The following MASP1 variants were observed in gnomAD, a reference collection of about 807,000 sequenced individuals.
MASP1 encodes the protein MBL associated serine protease 1, also known as mannan-binding lectin serine protease 1.
In MASP1, 59 loss-of-function variants were observed where a neutral mutation model predicts 77.1. That is an observed-to-expected ratio of 0.77 (90% CI 0.62 to 0.95). The LOEUF is 0.95. Ranked by LOEUF, MASP1 falls within the 40% of genes least tolerant of loss-of-function variation. The pLI, the probability that MASP1 is intolerant of heterozygous loss-of-function variation, is 0.00. For missense variants in MASP1, 885 were observed against 912.9 expected (o/e 0.97, Z 0.39); for synonymous variants, 362 against 354.5 (o/e 1.02, Z -0.24).
At chr3:187,236,904 G>T (rs778806560) in intron 10 of MASP1, among the ~76,000 whole-genome samples, 2 of 152,142 alleles carry the variant, frequency 1.3e-5, no homozygotes, top group Admixed American at 6.5e-5. Flanking sequence ...TCCAGTAGTG[G>T]TCACTTCTCC....
At chr3:187,284,374 A>C (rs531350048) in intron 2 of MASP1, among the ~76,000 whole-genome samples, 2 of 152,180 alleles carry the variant, frequency 1.3e-5, no homozygotes, top group African/African-American at 4.8e-5. Flanking sequence ...TGCTACTGGC[A>C]CCTAGTTAGG....
intron 2 of MASP1, 144 bp from the exon 3 acceptor site, chr3:187,262,864 T>C (rs1440987553): frequency 7.2e-6 from 5 of 699,186 alleles, no homozygotes. Context: ...TAAGGATTCT[T>C]GAGAAAAGAC....
intron 2 of MASP1, among the ~76,000 whole-genome samples, chr3:187,279,688 C>A (rs1407857264): frequency 6.6e-6 from 1 of 152,190 alleles, no homozygotes; most frequent in East Asian, 1.9e-4. Context: ...TCATTCCCAT[C>A]CTCTTCAACC....
At chr3:187,282,047 C>T (rs909514098) in intron 2 of MASP1, among the ~76,000 whole-genome samples, 1 of 152,190 alleles carries the variant, frequency 6.6e-6, no homozygotes. Context: ...CTCTGACCTC[C>T]TCTTCTGTCC....
At chr3:187,236,656 C>T in intron 10 of MASP1, 89 bp from the exon 11 acceptor site, 9 of 1,610,188 alleles carry the variant, frequency 5.6e-6, no homozygotes, top group South Asian at 1.1e-5. Context: ...ATTCACATTT[C>T]ACCCACTATA....
At chr3:187,246,429 T>C in intron 8 of MASP1, 1 of 985,444 alleles carries the variant, frequency 1.0e-6, no homozygotes, top group Non-Finnish European at 1.2e-6. Flanking sequence ...TTGGGTGGTG[T>C]CTCTAGCCGA....
intron 4 of MASP1, among the ~76,000 whole-genome samples, chr3:187,257,449 C>T (rs1247272363): frequency 1.3e-5 from 2 of 152,136 alleles, no homozygotes; most frequent in Non-Finnish European, 2.9e-5. Flanking sequence ...CAGCCCACTG[C>T]AACCTTCGCC....
At position 187,260,799 on chromosome 3, in the gene MASP1, G is replaced by T; in HGVS notation, c.489C>A (p.Gly163=). The T allele has an allele frequency of 1.2e-6, 2 of 1,614,126 alleles. No individual in the cohort carries two copies. Among genetic ancestry groups the T allele is most frequent in the Non-Finnish European group, 8.5e-7 (1 of 1,180,022 alleles). Residue 163 remains glycine, a synonymous_variant, in exon 4 of 11, where the codon GGC becomes GGA. Coordinates refer to ENST00000296280, the MANE Select transcript of MASP1 (RefSeq NM_139125.4). ...AGCCGAAGCGGCAGGAGCAGTAGTA[G>T]CCGCCAATGTAGTTGTGGCAGTAGT... ...CDHYCHNYIG[G]YYCSCRFGYI...
chr3:187,256,291 T>A (rs1249076415), intron 5 of MASP1, among the ~76,000 whole-genome samples: 1 of 152,174 alleles, frequency 6.6e-6, no homozygotes, highest in Non-Finnish European at 1.5e-5. Context: ...GTTAAAAAAA[T>A]AAACAGAAGA....
chr3:187,264,663 C>T (rs941986690), intron 2 of MASP1, among the ~76,000 whole-genome samples: 3 of 152,058 alleles, frequency 2.0e-5, no homozygotes, highest in Non-Finnish European at 2.9e-5. Context: ...GACTATAAAG[C>T]CTTGAACTTC....
intron 2 of MASP1, among the ~76,000 whole-genome samples, chr3:187,279,697 C>T (rs1717256273): frequency 1.3e-5 from 2 of 152,318 alleles, no homozygotes; most frequent in South Asian, 4.1e-4. Flanking sequence ...TCCTCTTCAA[C>T]CTCCCTGCTT....
chr3:187,243,200 C>G (rs767029077), intron 9 of MASP1: 45 of 424,244 alleles, frequency 1.1e-4, no homozygotes, highest in Non-Finnish European at 1.7e-4. Context: ...GACTCCTTCA[C>G]GCTCCCACCA....
intron 9 of MASP1, 150 bp downstream of exon 9, chr3:187,243,333 AC>A (rs1180715807): frequency 1.3e-6 from 1 of 792,456 alleles, no homozygotes; most frequent in East Asian, 2.5e-5. Context: ...AAAAGTGAGA[AC>A]CTGAGATGTG....
rs200896822 is a variant in MASP1 at position 187,271,083 on chromosome 3, G to A, written c.238-8363C>T. Among the ~76,000 whole-genome samples, 6 of 152,352 alleles carry A rather than the reference G, an allele frequency of 3.9e-5. No individual in the cohort carries two copies. In the East Asian group the frequency reaches 7.7e-4, roughly 20 times the overall value. On this transcript the variant is annotated intron_variant, in intron 2 of 10. Transcript: ENST00000296280. ...GATTTGGGACAAAGAATAGGCTCACGTTTGTAAATTGAAATTTGGAGAACC... is the reference window on the plus strand; with the variant it reads ...GATTTGGGACAAAGAATAGGCTCACATTTGTAAATTGAAATTTGGAGAACC...
rs767576148 is a variant in MASP1, at chr3:187,250,254, T to C, written c.1087A>G (p.Lys363Glu). ...GTWSNKIPTC[K>E]IVDCRAPGEL... ...ACAACCCATTAGGCTTTCTTACTTTTACAGGTGGGAATCTTGTTACTCCAC... is the reference window on the plus strand; with the variant it reads ...ACAACCCATTAGGCTTTCTTACTTTCACAGGTGGGAATCTTGTTACTCCAC... The change falls in exon 8 of 11, where the codon AAA becomes GAA. Residue 363 changes from lysine (K) to glutamate (E), a missense_variant. Physicochemically the swap from Lys to Glu is moderately conservative, Grantham distance 56. Coordinates refer to ENST00000296280, the MANE Select transcript of MASP1 (RefSeq NM_139125.4). 5 of 1,613,432 alleles carry C rather than the reference T, an allele frequency of 3.1e-6. No individual in the cohort carries two copies. The highest frequency in any genetic ancestry group is 3.4e-6 in the Non-Finnish European group (4 of 1,179,342).
intron 1 of MASP1, among the ~76,000 whole-genome samples, chr3:187,287,367 C>A (rs1560040839): frequency 6.6e-6 from 1 of 152,198 alleles, no homozygotes; most frequent in Non-Finnish European, 1.5e-5. Context: ...CTTGCTTATC[C>A]TCCACCATCC....
At chr3:187,259,694 G>T (rs1715395192) in intron 4 of MASP1, among the ~76,000 whole-genome samples, 1 of 152,162 alleles carries the variant, frequency 6.6e-6, no homozygotes, top group African/African-American at 2.4e-5. Context: ...TCCTGCACGT[G>T]CCTGTTCTTT....
chr3:187,260,074 A>G (rs761768114), intron 4 of MASP1, among the ~76,000 whole-genome samples: 1 of 152,210 alleles, frequency 6.6e-6, no homozygotes, highest in Non-Finnish European at 1.5e-5. Flanking sequence ...AATGTAATGG[A>G]AACATTAATG....
chr3:187,262,858 G>A, intron 2 of MASP1, 138 bp from the exon 3 acceptor site: 1 of 715,386 alleles, frequency 1.4e-6, no homozygotes, highest in South Asian at 1.7e-5. Context: ...GGAGGTTAAG[G>A]ATTCTTGAGA....
Sources: gnomAD v4.1 joint callset for allele counts (sites outside exome capture counted in the v4.1 genomes callset) on GRCh38, gnomAD v4.1.1 for gene constraint, MANE v1.5 for transcripts, NCBI Gene and HGNC (gene_info 2026-07-23, HGNC 2026-07-21) for gene names.